Variants in KRT86 observed in about 807,000 individuals in gnomAD.
KRT86 encodes keratin 86, also known as keratin, type II cuticular Hb6.
KRT86 carries 30 observed loss-of-function variants against 41.2 expected under a neutral mutation model. That is an observed-to-expected ratio of 0.73 (90% CI 0.54 to 0.99). The LOEUF is 0.99. Among genes scored for constraint, KRT86 ranks in the 50% least tolerant of loss-of-function variants. The pLI is 0.00. For synonymous variants in KRT86, 238 were observed against 238.1 expected (o/e 1.00, Z 0.00); for missense variants, 561 against 571.4 (o/e 0.98, Z 0.19).
chr12:52,302,265 T>C lies in KRT86; in HGVS notation c.349T>C (p.Phe117Leu). The change falls in exon 3 of 11, where the codon TTC becomes CTC. Residue 117 changes from phenylalanine (F) to leucine (L), a missense_variant. Phe to Leu is a conservative substitution (Grantham distance 22, BLOSUM62 0). This residue lies in a region of KRT86 where 164 missense variants were observed against 172.5 expected (regional missense o/e 0.95). Coordinates refer to ENST00000423955, the MANE Select transcript of KRT86 (RefSeq NM_001320198.2). ...GCAGATCAAGTCCCTCAACAGCAGG[T>C]TCGCGGCCTTCATCGACAAGGTGGG... ...KEQIKSLNSR[F>L]AAFIDKVRFL... The C allele has an allele frequency of 2.5e-6, 2 of 813,488 alleles. No individual in the cohort carries two copies. The highest frequency in any genetic ancestry group is 3.6e-6 in the Non-Finnish European group (2 of 561,326). 50.4% of individuals were successfully genotyped at this position (813,488 alleles called of 1,614,324 possible).
Position 52,291,366 on chromosome 12 carries a change from C to T in KRT86, c.-4-10547C>T, listed in dbSNP as rs779846645. ...GTGAGGCCGCGGTAGCAGGAGATGCCACGGTAGGGGGCGGCGGTGATGCAG... is the reference window on the plus strand; with the variant it reads ...GTGAGGCCGCGGTAGCAGGAGATGCTACGGTAGGGGGCGGCGGTGATGCAG... On this transcript the variant is annotated intron_variant, in intron 2 of 10. Coordinates refer to ENST00000423955, the MANE Select transcript of KRT86 (RefSeq NM_001320198.2). 3 of 1,600,718 alleles carry T rather than the reference C, an allele frequency of 1.9e-6. No individual in the cohort carries two copies. The South Asian group carries it at 3.3e-5, about 18-fold the overall frequency.
intron 2 of KRT86, among the ~76,000 whole-genome samples, chr12:52,293,357 A>G (rs1183509706): frequency 6.6e-6 from 1 of 152,246 alleles, no homozygotes; most frequent in Admixed American, 6.5e-5. Context: ...GAAGTCTCCC[A>G]GCTGGTAAGT....
intron 2 of KRT86, chr12:52,286,958 T>C: frequency 6.5e-7 from 1 of 1,546,158 alleles, no homozygotes; most frequent in East Asian, 2.3e-5. Flanking sequence ...TCAGACAAAC[T>C]CACACACCAG....
chr12:52,286,089 G>T (rs764882574), intron 2 of KRT86: 48 of 680,826 alleles, frequency 7.1e-5, no homozygotes, highest in Non-Finnish European at 1.1e-4. Flanking sequence ...GGGTGGCAGA[G>T]CCCAGAAGTG....
In KRT86 at chr12:52,301,971, G is replaced by A. The variant is rs774291422; in HGVS notation, c.55G>A (p.Gly19Arg). The A allele has an allele frequency of 1.2e-6, 2 of 1,613,584 alleles. No homozygotes were observed. Among genetic ancestry groups the A allele is most frequent in the Admixed American group, 1.7e-5 (1 of 60,020 alleles). The change falls in exon 3 of 11, where the codon GGG (glycine) becomes AGG (arginine). Residue 19 changes from glycine to arginine, a missense_variant. By Grantham distance (125) the Gly-to-Arg change is moderately radical. Around this residue, in one of 3 missense-constraint regions of KRT86, gnomAD observed 164 missense variants for 172.5 expected, o/e 0.95. Coordinates refer to ENST00000423955, the MANE Select transcript of KRT86 (RefSeq NM_001320198.2). ...GRAFSCISAC[G>R]PRPGRCCITA... ...CGCCTTCAGCTGCATCTCGGCCTGC[G>A]GGCCCCGGCCCGGCCGCTGCTGCAT...
chr12:52,275,531 G>A (rs761012614), intron 1 of KRT86, among the ~76,000 whole-genome samples: 28 of 152,208 alleles, frequency 1.8e-4, no homozygotes, highest in Non-Finnish European at 3.8e-4. Flanking sequence ...TAAACCCTAT[G>A]TGATCTTGGT....
At chr12:52,280,636 GC>G (rs1937750834) in intron 2 of KRT86, among the ~76,000 whole-genome samples, 1 of 152,200 alleles carries the variant, frequency 6.6e-6, no homozygotes, top group South Asian at 2.1e-4. Flanking sequence ...AACTTGGCTA[GC>G]CGGATGCCAC....
In KRT86 at chr12:52,308,600, C is replaced by T. The variant is rs1254919381; in HGVS notation, c.*15C>T. 6.3e-7 allele frequency: 1 copy of T among 1,592,832 alleles called. No homozygotes were observed. Among genetic ancestry groups the T allele is most frequent in the East Asian group, 2.2e-5 (1 of 44,650 alleles). On this transcript the variant is annotated 3_prime_UTR_variant, in exon 11 of 11. Coordinates refer to ENST00000423955, the MANE Select transcript of KRT86 (RefSeq NM_001320198.2). Reference sequence around the variant, plus strand: ...AGAGGTGCTAGGAGGCTGCCGCCTCCGCCAGCGCCTGTCGCCGTCACTCTC... The same window carrying T: ...AGAGGTGCTAGGAGGCTGCCGCCTCTGCCAGCGCCTGTCGCCGTCACTCTC...
At chr12:52,283,406 A>AT (rs1357229286) in intron 2 of KRT86, among the ~76,000 whole-genome samples, 4,500 of 145,786 alleles carry the variant, frequency 0.031, 164 homozygotes, top group African/African-American at 0.055. Flanking sequence ...AAAAAAAAAA[A>AT]AAAAAAAAAA....
intron 2 of KRT86, among the ~76,000 whole-genome samples, chr12:52,280,402 A>G (rs1419500685): frequency 6.6e-6 from 1 of 152,170 alleles, no homozygotes; most frequent in Non-Finnish European, 1.5e-5. Context: ...ATTCCTTTCT[A>G]TTGCATGAAA....
In KRT86 at chr12:52,308,281, G is replaced by A. The variant is rs370303929; in HGVS notation, c.1279+17G>A. 2 of 1,613,992 alleles carry A rather than the reference G, an allele frequency of 1.2e-6. No homozygotes were observed. The highest frequency in any genetic ancestry group is 1.7e-6 in the Non-Finnish European group (2 of 1,180,030). ...TGAATGTCTGTAAGTAGTGGGGTCC[G>A]TCCCCTCCTCCCGCTGGGCGGGTCT... On this transcript the variant is annotated intron_variant, in intron 10 of 10. Coordinates refer to ENST00000423955, the MANE Select transcript of KRT86 (RefSeq NM_001320198.2).
intron 2 of KRT86, 67 bp from the exon 3 acceptor site, chr12:52,301,846 C>A: frequency 1.2e-6 from 2 of 1,613,192 alleles, no homozygotes; most frequent in South Asian, 1.1e-5. Flanking sequence ...GAACGCCTGA[C>A]GCCCCGACCA....
rs117282359 is a variant in KRT86, at chr12:52,281,879, C to T, written c.-5+5933C>T. Among the ~76,000 whole-genome samples the T allele has an allele frequency of 2.4e-4, 36 of 152,248 alleles. No individual in the cohort carries two copies. The East Asian group carries it at 5.8e-3, about 24-fold the overall frequency. Reference sequence around the variant, plus strand: ...TCAACCTCCTCAGTAGCTGGGACTACAGGCACATGCCTCCACGCTCTGCTA... The same window carrying T: ...TCAACCTCCTCAGTAGCTGGGACTATAGGCACATGCCTCCACGCTCTGCTA... On this transcript the variant is annotated intron_variant, in intron 2 of 10. Coordinates refer to ENST00000423955, the MANE Select transcript of KRT86 (RefSeq NM_001320198.2).
chr12:52,293,069 G>T (rs1339951761), intron 2 of KRT86, among the ~76,000 whole-genome samples: 1 of 152,194 alleles, frequency 6.6e-6, no homozygotes, highest in African/African-American at 2.4e-5. Flanking sequence ...CAGGAGAATT[G>T]CTTGAACCCA....
chr12:52,281,666 C>T (rs749203874), intron 2 of KRT86, among the ~76,000 whole-genome samples: 2 of 152,168 alleles, frequency 1.3e-5, no homozygotes, highest in Non-Finnish European at 2.9e-5. Flanking sequence ...AACTCTTCAC[C>T]TGTTTCTGGG....
In KRT86 at chr12:52,301,942, G is replaced by A; in HGVS notation, c.26G>A (p.Gly9Asp). ...ATGACTTGTGGATCTTACTGTGGTG[G>A]CCGCGCCTTCAGCTGCATCTCGGCC... MTCGSYCG[G>D]RAFSCISACG... The change falls in exon 3 of 11, where the codon GGC becomes GAC. Residue 9 changes from glycine (G) to aspartate (D), a missense_variant. By Grantham distance (94) the Gly-to-Asp change is moderately conservative. This residue lies in a region of KRT86 where 164 missense variants were observed against 172.5 expected (regional missense o/e 0.95). Transcript: ENST00000423955. 6.2e-7 allele frequency: 1 copy of A among 1,613,788 alleles called. No homozygotes were observed. The highest frequency in any genetic ancestry group is 8.5e-7 in the Non-Finnish European group (1 of 1,179,780).
chr12:52,306,200 C>T lies in KRT86; in HGVS notation c.1167C>T (p.Tyr389=). The T allele has an allele frequency of 6.2e-7, 1 of 1,613,758 alleles. No individual in the cohort carries two copies. Among genetic ancestry groups the T allele is most frequent in the Non-Finnish European group, 8.5e-7 (1 of 1,180,014 alleles). Residue 389 remains tyrosine (Y), a synonymous_variant, in exon 9 of 11, where the codon TAC becomes TAT. Transcript: ENST00000423955. The part of the protein sequence containing the change: ...KQDMACLIRE[Y]QEVMNSKLGL... ...ACATGGCCTGCCTGATCAGGGAGTA[C>T]CAGGAGGTGATGAACTCCAAGCTGG...
At chr12:52,286,140 G>T (rs1381635236) in intron 2 of KRT86, 2 of 841,916 alleles carry the variant, frequency 2.4e-6, no homozygotes, top group Admixed American at 2.0e-5. Flanking sequence ...AGTGGGAGGG[G>T]TCTTTCAAAG....
rs539195221 is a variant in KRT86, at chr12:52,285,411, A to G, written c.-5+9465A>G. ...CATCAAAGGCTTTTTGAAACTTTAAATCATATTCATGTATTCACCTCTTAA... is the reference window on the plus strand; with the variant it reads ...CATCAAAGGCTTTTTGAAACTTTAAGTCATATTCATGTATTCACCTCTTAA... On this transcript the variant is annotated intron_variant, in intron 2 of 10. Coordinates refer to ENST00000423955, the MANE Select transcript of KRT86 (RefSeq NM_001320198.2). Among the ~76,000 whole-genome samples, 7 of 152,292 alleles carry G rather than the reference A, an allele frequency of 4.6e-5. 1 individual carries two copies. The South Asian group carries it at 1.4e-3, about 32-fold the overall frequency.
Sources: gnomAD v4.1 joint callset for allele counts (sites outside exome capture counted in the v4.1 genomes callset) on GRCh38, gnomAD v4.1.1 for gene constraint, gnomAD v4.1.1 regional missense constraint, MANE v1.5 for transcripts, NCBI Gene and HGNC (gene_info 2026-07-23, HGNC 2026-07-21) for gene names.